LHFPL3: variants seen among roughly 807,000 people sequenced by gnomAD.
LHFPL3 encodes LHFPL tetraspan subfamily member 3, also known as LHFPL tetraspan subfamily member 3 protein.
Under a neutral mutation model 19.3 loss-of-function variants are expected in LHFPL3, and 5 were observed. The observed-to-expected ratio is 0.26, with a 90% CI of 0.14 to 0.54. The LOEUF (loss-of-function observed/expected upper bound fraction) is 0.54. LHFPL3 is among the 20% of genes least tolerant of loss of function. The pLI is 0.94. For synonymous variants in LHFPL3, 133 were observed against 126.2 expected (o/e 1.05, Z -0.36); for missense variants, 249 against 307.4 (o/e 0.81, Z 1.42).
chr7:104,585,893 C>T (rs984636906), intron 1 of LHFPL3, among the ~76,000 whole-genome samples: 1 of 151,960 alleles, frequency 6.6e-6, no homozygotes, highest in African/African-American at 2.4e-5. Context: ...CTGCAAAATA[C>T]TGATAATGCG....
At position 104,574,903 on chromosome 7, in the gene LHFPL3, A is replaced by C. The variant is rs1293142869; in HGVS notation, c.446-161772A>C. Among the ~76,000 whole-genome samples the C allele has an allele frequency of 2.0e-5, 3 of 152,166 alleles. No homozygotes were observed. In the East Asian group the frequency reaches 5.8e-4, roughly 29 times the overall value. Reference sequence around the variant, plus strand: ...TAAAACACCAGATGGAAAATATGACACTCCATGTATGCAGATCCTGGAGAA... The same window carrying C: ...TAAAACACCAGATGGAAAATATGACCCTCCATGTATGCAGATCCTGGAGAA... On this transcript the variant is annotated intron_variant, in intron 1 of 2. Coordinates refer to ENST00000424859, the MANE Select transcript of LHFPL3 (RefSeq NM_199000.3).
intron 2 of LHFPL3, among the ~76,000 whole-genome samples, chr7:104,861,632 G>A (rs1190513499): frequency 6.6e-6 from 1 of 152,006 alleles, no homozygotes; most frequent in African/African-American, 2.4e-5. Context: ...CAGAAGTGGT[G>A]GCCTTCTCTA....
chr7:104,781,917 T>C (rs915127003), intron 2 of LHFPL3, among the ~76,000 whole-genome samples: 24 of 152,204 alleles, frequency 1.6e-4, no homozygotes, highest in Non-Finnish European at 1.6e-4. Flanking sequence ...CACTTAAATA[T>C]TCATGTTCTT....
intron 1 of LHFPL3, among the ~76,000 whole-genome samples, chr7:104,660,763 T>C (rs1264800575): frequency 6.6e-6 from 1 of 152,200 alleles, no homozygotes; most frequent in East Asian, 1.9e-4. Context: ...ACTTCCACAT[T>C]TGGCCTCACA....
chr7:104,328,749 G>A lies in LHFPL3; in HGVS notation c.-31G>A, dbSNP rs1801511420. 3 of 506,250 alleles carry A rather than the reference G, an allele frequency of 5.9e-6. No individual in the cohort carries two copies. Among genetic ancestry groups the A allele is most frequent in the Non-Finnish European group, 7.6e-6 (3 of 394,798 alleles). 31.4% of individuals were successfully genotyped at this position (506,250 alleles called of 1,614,324 possible). ...GAGGCGGGGGGAGGCGGAGGACCAG[G>A]AGGAGGAGGAGGAGGAGGAGGAGGG... On this transcript the variant is annotated 5_prime_UTR_variant, in exon 1 of 3. Coordinates refer to ENST00000424859, the MANE Select transcript of LHFPL3 (RefSeq NM_199000.3). The surrounding 1 kb of genome is among the most constrained non-coding windows in gnomAD (Gnocchi z 4.6).
chr7:104,667,266 G>GGGGA, intron 1 of LHFPL3, among the ~76,000 whole-genome samples: 1 of 124,016 alleles, frequency 8.1e-6, no homozygotes, highest in Admixed American at 8.4e-5. Context: ...TGTTTTCTTG[G>GGGGA]GGGGGGGAAT....
intron 2 of LHFPL3, among the ~76,000 whole-genome samples, chr7:104,847,899 A>G (rs1791341021): frequency 6.6e-6 from 1 of 152,246 alleles, no homozygotes; most frequent in Non-Finnish European, 1.5e-5. Context: ...GTTTAGCCGA[A>G]TACACAACTT....
intron 1 of LHFPL3, among the ~76,000 whole-genome samples, chr7:104,330,005 A>G (rs1334305721): frequency 6.6e-6 from 1 of 152,008 alleles, no homozygotes; most frequent in Non-Finnish European, 1.5e-5. Flanking sequence ...AGAATGTTTC[A>G]TTAGCATCTC....
At chr7:104,400,813 C>T (rs1360938677) in intron 1 of LHFPL3, among the ~76,000 whole-genome samples, 2 of 152,122 alleles carry the variant, frequency 1.3e-5, no homozygotes, top group Non-Finnish European at 2.9e-5. Flanking sequence ...CCACACTTTT[C>T]ATAAGAACTG....
chr7:104,504,718 A>G (rs544358555), intron 1 of LHFPL3, among the ~76,000 whole-genome samples: 44 of 152,174 alleles, frequency 2.9e-4, no homozygotes, highest in Non-Finnish European at 5.9e-4. Context: ...AGGACAATAA[A>G]CACCTTATTT....
At chr7:104,512,792 G>A (rs766767200) in intron 1 of LHFPL3, among the ~76,000 whole-genome samples, 7 of 152,042 alleles carry the variant, frequency 4.6e-5, no homozygotes, top group Non-Finnish European at 8.8e-5. Context: ...GGAAAAGGCA[G>A]CTAGCCAGCT....
At chr7:104,562,292 C>T (rs1219132177) in intron 1 of LHFPL3, among the ~76,000 whole-genome samples, 1 of 152,036 alleles carries the variant, frequency 6.6e-6, no homozygotes, top group Admixed American at 6.5e-5. Context: ...CAACTTGGTT[C>T]CATTCTCCCC....
intron 1 of LHFPL3, among the ~76,000 whole-genome samples, chr7:104,447,552 C>G (rs959357327): frequency 1.3e-5 from 2 of 152,128 alleles, no homozygotes; most frequent in Non-Finnish European, 2.9e-5. Flanking sequence ...CTTAAATTTT[C>G]AAATCCACTG....
intron 2 of LHFPL3, among the ~76,000 whole-genome samples, chr7:104,869,246 AAT>A (rs1356719512): frequency 3.9e-5 from 6 of 152,210 alleles, no homozygotes; most frequent in Admixed American, 1.3e-4. Flanking sequence ...AATGGAATCT[AAT>A]TAAACTAAAG....
Position 104,723,930 on chromosome 7 carries a change from TTAATC to T in LHFPL3, c.446-12740_446-12736del, listed in dbSNP as rs1398141767. ...CTGGTCAGGAAATAGCATGTCCAAA[TTAATC>T]TAATGTCCTGGTGCCTTGTATACTG... On this transcript the variant is annotated intron_variant, in intron 1 of 2. Transcript: ENST00000424859. 9.2e-5 allele frequency among the ~76,000 whole-genome samples: 14 copies of T among 152,302 alleles called. 1 individual carries two copies. In the East Asian group the frequency reaches 1.5e-3, roughly 17 times the overall value.
intron 1 of LHFPL3, among the ~76,000 whole-genome samples, chr7:104,728,598 T>G (rs540309825): frequency 9.2e-5 from 14 of 152,328 alleles, no homozygotes; most frequent in Admixed American, 2.0e-4. Flanking sequence ...TTAGCTTAAA[T>G]GTTGCCCCCT....
chr7:104,446,721 G>A lies in LHFPL3; in HGVS notation c.445+117497G>A, dbSNP rs554881791. On this transcript the variant is annotated intron_variant, in intron 1 of 2. Transcript: ENST00000424859. ...CTCCTGAGTAGCTGAGACTACAGAC[G>A]TGTGCCACCATGCCCAGCTAATTTT... 2.3e-4 allele frequency among the ~76,000 whole-genome samples: 35 copies of A among 152,100 alleles called. No individual in the cohort carries two copies. In the East Asian group the frequency reaches 5.2e-3, roughly 23 times the overall value.
intron 1 of LHFPL3, among the ~76,000 whole-genome samples, chr7:104,464,175 A>G (rs1792730364): frequency 6.6e-6 from 1 of 152,244 alleles, no homozygotes; most frequent in Admixed American, 6.5e-5. Context: ...TTAAAGTTCT[A>G]AAATAATCTT....
chr7:104,702,866 C>T (rs1793128623), intron 1 of LHFPL3, among the ~76,000 whole-genome samples: 1 of 152,198 alleles, frequency 6.6e-6, no homozygotes, highest in Admixed American at 6.5e-5. Flanking sequence ...CACATTGTTT[C>T]ATCATTTACT....
Sources: gnomAD v4.1 joint callset for allele counts (sites outside exome capture counted in the v4.1 genomes callset) on GRCh38, gnomAD v4.1.1 for gene constraint, Gnocchi (gnomAD v3.1) non-coding constraint, MANE v1.5 for transcripts, NCBI Gene and HGNC (gene_info 2026-07-23, HGNC 2026-07-21) for gene names.